MAGEB6: variants seen among roughly 807,000 people sequenced by gnomAD.
The protein encoded by MAGEB6 is MAGE family member B6, also known as melanoma-associated antigen B6.
For missense variants in MAGEB6, 327 were observed against 329.7 expected (o/e 0.99, Z 0.06); for synonymous variants, 128 against 136.2 (o/e 0.94, Z 0.42).
At chrX:26,193,691 T>C (rs1323019247) in intron 1 of MAGEB6, 95 bp from the exon 2 acceptor site, 3 of 495,882 alleles carry the variant, frequency 6.0e-6, no homozygotes, top group Non-Finnish European at 6.4e-6. Flanking sequence ...CTAGAGCAGC[T>C]GTTCTGCGGA....
Position 26,194,444 on chromosome X carries a change from T to A in MAGEB6, c.598T>A (p.Cys200Ser). The change falls in exon 2 of 2, where the codon TGC becomes AGC. Residue 200 changes from cysteine to serine, a missense_variant. Coordinates refer to ENST00000379034, the MANE Select transcript of MAGEB6 (RefSeq NM_173523.2). Reference sequence around the variant, plus strand: ...CAAAGATGCTGTAAAGAAGAAGGCGTGCACGTTGGCGCAATTCCTGCAGAA... The same window carrying A: ...CAAAGATGCTGTAAAGAAGAAGGCGAGCACGTTGGCGCAATTCCTGCAGAA... ...LSKDAVKKKA[C>S]TLAQFLQKKF... is the part of the protein sequence containing the mutation. The A allele has an allele frequency of 6.6e-6, 8 of 1,212,187 alleles. No individual in the cohort carries two copies. Among genetic ancestry groups the A allele is most frequent in the Non-Finnish European group, 8.9e-6 (8 of 895,650 alleles).
rs1569256566 is a variant in MAGEB6, at chrX:26,194,431, AAAG to A, written c.592_594del (p.Lys198del). 4 of 1,212,097 alleles carry A rather than the reference AAAG, an allele frequency of 3.3e-6. No homozygotes were observed. The highest frequency in any genetic ancestry group is 2.2e-5 in the Admixed American group (1 of 46,073). On this transcript the variant is annotated inframe_deletion, in exon 2 of 2. Coordinates refer to ENST00000379034, the MANE Select transcript of MAGEB6 (RefSeq NM_173523.2). The stretch of plus-strand genomic sequence containing the variant: ...TTAAGCGCTTAAGCAAAGATGCTGT[AAAG>A]AAGAAGGCGTGCACGTTGGCGCAAT...
chrX:26,194,058 G>A lies in MAGEB6; in HGVS notation c.212G>A (p.Gly71Glu), dbSNP rs757834889. 8.3e-7 allele frequency: 1 copy of A among 1,209,628 alleles called. No individual in the cohort carries two copies. Among genetic ancestry groups the A allele is most frequent in the Non-Finnish European group, 1.1e-6 (1 of 895,091 alleles). The stretch of plus-strand genomic sequence containing the variant: ...GAGTCTCAGGGAGTGTCACCCACTG[G>A]GTCTCCTGATGCAGTTGTTTCATAT... The part of the protein sequence containing the change: ...PQESQGVSPT[G>E]SPDAVVSYSK... Residue 71 changes from glycine (G) to glutamate (E), a missense_variant, in exon 2 of 2, where the codon GGG becomes GAG. Physicochemically the swap from Gly to Glu is moderately conservative, Grantham distance 98 (BLOSUM62 -2). Transcript: ENST00000379034.
chrX:26,194,966 C>T lies in MAGEB6; in HGVS notation c.1120C>T (p.Arg374Cys), dbSNP rs369750377. The stretch of plus-strand genomic sequence containing the variant: ...TGAAACCACCAAGATGAGAGTCCTG[C>T]GTGTTTTGGCCGACAGCAGTAACAC... Reference protein sequence around the residue: ...YAETTKMRVLRVLADSSNTSP... With the variant: ...YAETTKMRVLCVLADSSNTSP... Residue 374 changes from arginine to cysteine, a missense_variant, in exon 2 of 2, where the codon CGT (arginine) becomes TGT (cysteine). Arg to Cys is a radical substitution (Grantham distance 180, BLOSUM62 -3). Coordinates refer to ENST00000379034, the MANE Select transcript of MAGEB6 (RefSeq NM_173523.2). 1.8e-5 allele frequency: 22 copies of T among 1,209,557 alleles called. No individual in the cohort carries two copies. The highest frequency in any genetic ancestry group is 2.2e-5 in the Non-Finnish European group (20 of 895,208).
chrX:26,194,515 G>A lies in MAGEB6; in HGVS notation c.669G>A (p.Lys223=). Reference sequence around the variant, plus strand: ...CCATTTTGAAGGCAGACATGCTGAAGTGTGTCCGCAGAGAGTACAAGCCCT... The same window carrying A: ...CCATTTTGAAGGCAGACATGCTGAAATGTGTCCGCAGAGAGTACAAGCCCT... ...KESILKADML[K]CVRREYKPYF... The change falls in exon 2 of 2, where the codon AAG becomes AAA. Residue 223 remains lysine (K), a synonymous_variant. Transcript: ENST00000379034. 5 of 1,211,906 alleles carry A rather than the reference G, an allele frequency of 4.1e-6. No homozygotes were observed. Among genetic ancestry groups the A allele is most frequent in the South Asian group, 1.8e-5 (1 of 56,970 alleles).
At chrX:26,193,160 G>A (rs1280382540) in intron 1 of MAGEB6, among the ~76,000 whole-genome samples, 2 of 108,196 alleles carry the variant, frequency 1.8e-5, no homozygotes, top group African/African-American at 6.7e-5. Context: ...CAATTTCAGA[G>A]TGGCACAAGG....
At chrX:26,193,085 G>A (rs767111774) in intron 1 of MAGEB6, among the ~76,000 whole-genome samples, 7 of 111,461 alleles carry the variant, frequency 6.3e-5, no homozygotes, top group Admixed American at 9.5e-5. Context: ...TGGTCTGGGT[G>A]TCCCCGGAAT....
chrX:26,194,177 C>A lies in MAGEB6; in HGVS notation c.331C>A (p.Pro111Thr), dbSNP rs141294776. ...SVPQESQGAS[P>T]TGSPDAGVSG... ...TCCTCAGGAGTCTCAGGGAGCTTCA[C>A]CCACTGGCTCTCCTGATGCAGGTGT... is the stretch of plus-strand genomic sequence containing the variant. Residue 111 changes from proline to threonine, a missense_variant, in exon 2 of 2, where the codon CCC becomes ACC. Transcript: ENST00000379034. The A allele has an allele frequency of 2.6e-6, 3 of 1,167,909 alleles. No homozygotes were observed. The highest frequency in any genetic ancestry group is 3.6e-5 in the African/African-American group (2 of 56,287).
rs1345575755 is a variant in MAGEB6, at chrX:26,194,250, G to A, written c.404G>A (p.Ser135Asn). The part of the protein sequence containing the change: ...DVAANGQDEK[S>N]PSTSHDVSVP... ...GCTGCCAACGGCCAAGATGAGAAAA[G>A]TCCAAGCACTTCCCATGATGTCTCC... The change falls in exon 2 of 2, where the codon AGT (serine) becomes AAT (asparagine). Residue 135 changes from serine to asparagine, a missense_variant. Coordinates refer to ENST00000379034, the MANE Select transcript of MAGEB6 (RefSeq NM_173523.2). 3.3e-6 allele frequency: 4 copies of A among 1,205,010 alleles called. No homozygotes were observed.
At chrX:26,192,650 A>C (rs1929126066) in intron 1 of MAGEB6, 123 bp downstream of exon 1, 1 of 111,375 alleles carries the variant, frequency 9.0e-6, no homozygotes, top group Non-Finnish European at 1.9e-5. Context: ...AGGAGTCCCC[A>C]AACATGGCTG....
rs1221771846 is a variant in MAGEB6 at position 26,195,213 on chromosome X, T to C, written c.*143T>C. The C allele has an allele frequency of 6.0e-6, 4 of 672,264 alleles. No homozygotes were observed. The highest frequency in any genetic ancestry group is 8.7e-6 in the Non-Finnish European group (4 of 457,445). 55.4% of individuals were successfully genotyped at this position (672,264 alleles called of 1,213,427 possible). On this transcript the variant is annotated 3_prime_UTR_variant, in exon 2 of 2. Coordinates refer to ENST00000379034, the MANE Select transcript of MAGEB6 (RefSeq NM_173523.2). ...GAGCTTTCTAAGTAGTGCAGTATAGTAGAGGCTGGAGGGAACAAGATATGT... is the reference window on the plus strand; with the variant it reads ...GAGCTTTCTAAGTAGTGCAGTATAGCAGAGGCTGGAGGGAACAAGATATGT...
intron 1 of MAGEB6, among the ~76,000 whole-genome samples, chrX:26,193,205 T>G (rs1929135053): frequency 9.1e-6 from 1 of 110,317 alleles, no homozygotes; most frequent in Admixed American, 9.6e-5. Context: ...CAATTTTTTT[T>G]TTATTATACT....
chrX:26,194,599 A>C lies in MAGEB6; in HGVS notation c.753A>C (p.Glu251Asp), dbSNP rs1290451080. The C allele has an allele frequency of 3.1e-5, 37 of 1,209,473 alleles. 1 individual carries two copies. The Admixed American group carries it at 7.9e-4, about 26-fold the overall frequency. ...SQHLVVAFGV[E>D]LKEMDSSGES... is the part of the protein sequence containing the mutation. ...ATTTGGTGGTGGCCTTTGGCGTTGA[A>C]TTGAAAGAAATGGATTCCAGCGGCG... Residue 251 changes from glutamate (E) to aspartate (D), a missense_variant, in exon 2 of 2, where the codon GAA (glutamate) becomes GAC (aspartate). Coordinates refer to ENST00000379034, the MANE Select transcript of MAGEB6 (RefSeq NM_173523.2).
chrX:26,192,970 T>C (rs1224691668), intron 1 of MAGEB6, among the ~76,000 whole-genome samples: 4 of 110,858 alleles, frequency 3.6e-5, no homozygotes, highest in Non-Finnish European at 7.6e-5. Flanking sequence ...GAGGGTGATT[T>C]CCAGGTTGTG....
chrX:26,195,169 T>C lies in MAGEB6; in HGVS notation c.*99T>C, dbSNP rs138252531. 1.8e-3 allele frequency: 1,873 copies of C among 1,026,032 alleles called. 22 individuals carry two copies. In the African/African-American group the frequency reaches 0.031, roughly 17 times the overall value. 84.6% of individuals were successfully genotyped at this position (1,026,032 alleles called of 1,213,427 possible). A position where few individuals can be genotyped will look rare whatever the true frequency, so the allele number is the denominator to read the frequency against. ...GAGGTCTGAAGTAGAATTTTCACTT[T>C]ATGTTAGAAGAGAGTAGTGAGCTTT... On this transcript the variant is annotated 3_prime_UTR_variant, in exon 2 of 2. Transcript: ENST00000379034.
At position 26,195,245 on chromosome X, in the gene MAGEB6, C is replaced by G. The variant is rs200185796; in HGVS notation, c.*175C>G. The G allele has an allele frequency of 2.6e-6, 1 of 390,893 alleles. No homozygotes were observed. Among genetic ancestry groups the G allele is most frequent in the Admixed American group, 6.2e-5 (1 of 16,025 alleles). 32.2% of individuals were successfully genotyped at this position (390,893 alleles called of 1,213,427 possible). On this transcript the variant is annotated 3_prime_UTR_variant, in exon 2 of 2. Coordinates refer to ENST00000379034, the MANE Select transcript of MAGEB6 (RefSeq NM_173523.2). ...TGGAGGGAACAAGATATGTATCTTT[C>G]TTTTGTTACACATGAGTAACTTGCA...
chrX:26,194,681 G>A lies in MAGEB6; in HGVS notation c.835G>A (p.Asp279Asn), dbSNP rs1418126583. ...CCCCAGTGAAGGAATTCTGAGTGGT[G>A]ATAATGCGCTGCCGAAGTCGGGTCT... The part of the protein sequence containing the change: ...GLPSEGILSG[D>N]NALPKSGLLM... The change falls in exon 2 of 2, where the codon GAT becomes AAT. Residue 279 changes from aspartate (D) to asparagine (N), a missense_variant. Transcript: ENST00000379034. 3.3e-6 allele frequency: 4 copies of A among 1,209,304 alleles called. No homozygotes were observed. Among genetic ancestry groups the A allele is most frequent in the Non-Finnish European group, 3.4e-6 (3 of 895,115 alleles).
At chrX:26,192,683 T>G (rs1397490410) in intron 1 of MAGEB6, among the ~76,000 whole-genome samples, 156 bp downstream of exon 1, 1 of 111,249 alleles carries the variant, frequency 9.0e-6, no homozygotes, top group Non-Finnish European at 1.9e-5. Flanking sequence ...TCCATTCATT[T>G]TTTTCCGTCG....
rs147419502 is a variant in MAGEB6, at chrX:26,194,198, G to A, written c.352G>A (p.Gly118Ser). 1.3e-4 allele frequency: 150 copies of A among 1,157,781 alleles called. 2 individuals are homozygous for A. The African/African-American group carries it at 2.3e-3, about 18-fold the overall frequency. The change falls in exon 2 of 2, where the codon GGT becomes AGT. Residue 118 changes from glycine to serine, a missense_variant. By Grantham distance (56) the Gly-to-Ser change is moderately conservative. Coordinates refer to ENST00000379034, the MANE Select transcript of MAGEB6 (RefSeq NM_173523.2). ...TTCACCCACTGGCTCTCCTGATGCA[G>A]GTGTTTCAGGCTCAAAATATGATGT... is the stretch of plus-strand genomic sequence containing the variant. ...GASPTGSPDA[G>S]VSGSKYDVAA...
Sources: gnomAD v4.1 joint callset for allele counts (sites outside exome capture counted in the v4.1 genomes callset) on GRCh38, gnomAD v4.1.1 for gene constraint, MANE v1.5 for transcripts, NCBI Gene and HGNC (gene_info 2026-07-23, HGNC 2026-07-21) for gene names.